KCNG2: variants seen among roughly 807,000 people sequenced by gnomAD.
KCNG2 encodes voltage-gated potassium channel regulatory subunit KCNG2.
Under a neutral mutation model 12.3 loss-of-function variants are expected in KCNG2, and 7 were observed. The observed-to-expected ratio is 0.57, with a 90% CI of 0.32 to 1.07. KCNG2 has a LOEUF of 1.07. Among genes scored for constraint, KCNG2 ranks in the 50% least tolerant of loss-of-function variants. The probability of loss-of-function intolerance (pLI) is 0.04; values close to 1 mark genes in which losing one functional copy is unlikely to be tolerated. For synonymous variants in KCNG2, 414 were observed against 351.4 expected (o/e 1.18, Z -1.99); for missense variants, 703 against 726.0 (o/e 0.97, Z 0.36).
In KCNG2 at chr18:79,899,480, C is replaced by A; in HGVS notation, c.1065C>A (p.Ser355Arg). 1.2e-6 allele frequency: 2 copies of A among 1,607,210 alleles called. No individual in the cohort carries two copies. The highest frequency in any genetic ancestry group is 8.5e-7 in the Non-Finnish European group (1 of 1,177,618). ...TGGGCGCGCGCCGCGACTTCTCCAGCGTGCCCGCCAGCTATTGGTGGGCCG... is the reference window on the plus strand; with the variant it reads ...TGGGCGCGCGCCGCGACTTCTCCAGAGTGCCCGCCAGCTATTGGTGGGCCG... ...RELGARRDFSSVPASYWWAVI... is the reference protein window; with the variant it reads ...RELGARRDFSRVPASYWWAVI... Residue 355 changes from serine to arginine, a missense_variant, in exon 4 of 4, where the codon AGC becomes AGA. Transcript: ENST00000316249.
At chr18:79,890,713 T>C (rs1599436208) in intron 3 of KCNG2, among the ~76,000 whole-genome samples, 1 of 152,214 alleles carries the variant, frequency 6.6e-6, no homozygotes, top group African/African-American at 2.4e-5. Flanking sequence ...TGGGCTTTTC[T>C]TGTGGGTAGT....
chr18:79,821,211 T>G (rs549341215), intron 1 of KCNG2, among the ~76,000 whole-genome samples: 2 of 152,134 alleles, frequency 1.3e-5, no homozygotes, highest in Non-Finnish European at 2.9e-5. Flanking sequence ...ATCATGAAGA[T>G]TTGACCACAT....
intron 1 of KCNG2, among the ~76,000 whole-genome samples, chr18:79,844,741 C>T (rs907638184): frequency 1.1e-4 from 16 of 152,146 alleles, no homozygotes; most frequent in African/African-American, 3.4e-4. Context: ...AAATTAAAAA[C>T]GGTGATATCA....
chr18:79,807,473 G>A (rs1444193755), intron 1 of KCNG2, among the ~76,000 whole-genome samples: 1 of 152,210 alleles, frequency 6.6e-6, no homozygotes, highest in Non-Finnish European at 1.5e-5. Flanking sequence ...GGACTGCTCT[G>A]ACACGTCACC....
chr18:79,854,613 A>G (rs11081568), intron 1 of KCNG2, among the ~76,000 whole-genome samples: 135,687 of 150,418 alleles, frequency 0.9, 62,894 homozygotes, highest in East Asian at 1. Context: ...TGCAAGCTCC[A>G]CCTCCCGGGT....
chr18:79,890,641 T>C (rs1443682635), intron 3 of KCNG2, among the ~76,000 whole-genome samples: 1 of 152,250 alleles, frequency 6.6e-6, no homozygotes, highest in Non-Finnish European at 1.5e-5. Context: ...GACATCGTTC[T>C]TTCTGTGGCT....
intron 1 of KCNG2, among the ~76,000 whole-genome samples, chr18:79,804,650 A>G (rs975810504): frequency 6.6e-6 from 1 of 152,248 alleles, no homozygotes; most frequent in African/African-American, 2.4e-5. Flanking sequence ...CGGCCTCTGA[A>G]GAAATCATTT....
intron 1 of KCNG2, among the ~76,000 whole-genome samples, chr18:79,820,175 G>A (rs547015237): frequency 6.6e-6 from 1 of 152,366 alleles, no homozygotes; most frequent in African/African-American, 2.4e-5. Flanking sequence ...GACTGATGCT[G>A]CTCTGAACGT....
intron 1 of KCNG2, chr18:79,816,169 C>T (rs2087526363): frequency 6.6e-6 from 1 of 152,252 alleles, no homozygotes; most frequent in Admixed American, 6.5e-5. Flanking sequence ...CTTTAATCCT[C>T]ATGAGGCCAC....
Position 79,899,614 on chromosome 18 carries a change from C to T in KCNG2, c.1199C>T (p.Pro400Leu), listed in dbSNP as rs763117510. 5.0e-6 allele frequency: 8 copies of T among 1,598,946 alleles called. No individual in the cohort carries two copies. Among genetic ancestry groups the T allele is most frequent in the Middle Eastern group, 1.7e-4 (1 of 6,036 alleles). Residue 400 changes from proline (P) to leucine (L), a missense_variant, in exon 4 of 4, where the codon CCG (proline) becomes CTG (leucine). Coordinates refer to ENST00000316249, the MANE Select transcript of KCNG2 (RefSeq NM_012283.2). The part of the protein sequence containing the change: ...ILSGILLMAF[P>L]VTSIFHTFSR... ...AGCGGCATCCTGCTCATGGCCTTCC[C>T]GGTCACCTCCATCTTCCACACCTTT...
intron 3 of KCNG2, among the ~76,000 whole-genome samples, chr18:79,887,345 G>A (rs1980563740): frequency 1.3e-5 from 2 of 152,068 alleles, no homozygotes; most frequent in South Asian, 4.1e-4. Flanking sequence ...GAGGCCACGG[G>A]ACTGTTTCCA....
intron 2 of KCNG2, among the ~76,000 whole-genome samples, chr18:79,863,372 G>A (rs1979294038): frequency 6.6e-6 from 1 of 152,278 alleles, no homozygotes; most frequent in African/African-American, 2.4e-5. Flanking sequence ...GTCCCCTAGT[G>A]TAAGAACCCG....
intron 3 of KCNG2, among the ~76,000 whole-genome samples, chr18:79,885,029 C>G (rs1391363502): frequency 1.3e-5 from 2 of 152,178 alleles, no homozygotes; most frequent in Non-Finnish European, 2.9e-5. Flanking sequence ...TCACACCCCT[C>G]ACAGTCCCCA....
At chr18:79,861,273 C>CTTTTTTTTT in intron 2 of KCNG2, among the ~76,000 whole-genome samples, 1 of 76,996 alleles carries the variant, frequency 1.3e-5, no homozygotes, top group Non-Finnish European at 2.5e-5. Context: ...CTCTCTCTCT[C>CTTTTTTTTT]TTTTTTTTTT....
chr18:79,807,834 C>A (rs1193495014), intron 1 of KCNG2, among the ~76,000 whole-genome samples: 16 of 135,910 alleles, frequency 1.2e-4, no homozygotes, highest in Non-Finnish European at 6.3e-5. Flanking sequence ...CTCTGAGGAG[C>A]TGCCGGGGCC....
At position 79,822,134 on chromosome 18, in the gene KCNG2, A is replaced by T. The variant is rs1195477738; in HGVS notation, c.-115+24120A>T. Among the ~76,000 whole-genome samples the T allele has an allele frequency of 6.6e-6, 1 of 152,174 alleles. No individual in the cohort carries two copies. The highest frequency in any genetic ancestry group is 1.9e-4 in the East Asian group (1 of 5,182). On this transcript the variant is annotated intron_variant, in intron 1 of 3. Transcript: ENST00000316249. The surrounding 1 kb of genome is among the most constrained non-coding windows in gnomAD (Gnocchi z 4.4). ...TGTACCATTGTCCTGGGGTTTAAGC[A>T]GGAAATGTTAGATTTTTAAAAGCTT...
intron 1 of KCNG2, among the ~76,000 whole-genome samples, chr18:79,835,326 G>A (rs1479343354): frequency 1.3e-5 from 2 of 152,222 alleles, no homozygotes; most frequent in East Asian, 1.9e-4. Context: ...TTGGTGAAAA[G>A]GACAGTCAAC....
At chr18:79,872,719 G>A (rs1475428183) in intron 3 of KCNG2, among the ~76,000 whole-genome samples, 1 of 152,218 alleles carries the variant, frequency 6.6e-6, no homozygotes, top group Non-Finnish European at 1.5e-5. Flanking sequence ...CTCTGACAGC[G>A]GCAGGGCTTG....
intron 3 of KCNG2, among the ~76,000 whole-genome samples, chr18:79,866,740 T>A (rs1231279848): frequency 0.088 from 3,819 of 43,536 alleles, 72 homozygotes; most frequent in Non-Finnish European, 0.14. Flanking sequence ...CTGGGTACTG[T>A]GGTCTGGGTG....
Sources: gnomAD v4.1 joint callset for allele counts (sites outside exome capture counted in the v4.1 genomes callset) on GRCh38, gnomAD v4.1.1 for gene constraint, Gnocchi (gnomAD v3.1) non-coding constraint, MANE v1.5 for transcripts, NCBI Gene and HGNC (gene_info 2026-07-23, HGNC 2026-07-21) for gene names.